The following FGF14 variants were observed in gnomAD, a reference collection of about 807,000 sequenced individuals.
The protein encoded by FGF14 is fibroblast growth factor 14.
In FGF14, 5 loss-of-function variants were observed where a neutral mutation model predicts 25.5. The ratio of observed to expected loss-of-function variants is 0.20; its 90% CI spans 0.10 to 0.41. The LOEUF (loss-of-function observed/expected upper bound fraction) is 0.41. Ranked by LOEUF, FGF14 falls within the 10% of genes least tolerant of loss-of-function variation. The pLI, the probability that FGF14 is intolerant of heterozygous loss-of-function variation, is 1.00. For synonymous variants in FGF14, 138 were observed against 118.3 expected, an observed-to-expected ratio of 1.17 and a Z score of -1.08; for missense variants, 222 against 320.1, an observed-to-expected ratio of 0.69 and a Z score of 2.34.
At chr13:101,889,236 T>TA (rs199813455) in intron 1 of FGF14, among the ~76,000 whole-genome samples, 1 of 151,998 alleles carries the variant, frequency 6.6e-6, no homozygotes, top group South Asian at 2.1e-4. Context: ...AATTGCCATT[T>TA]AAAAAAAATA....
intron 1 of FGF14, among the ~76,000 whole-genome samples, chr13:102,260,638 C>T (rs927245019): frequency 3.3e-5 from 5 of 152,266 alleles, no homozygotes; most frequent in African/African-American, 7.2e-5. Context: ...TTTGCTGTAA[C>T]GTGCCAAGAG....
rs540037384 is a variant in FGF14 at position 102,065,942 on chromosome 13, G to A, written c.209-190646C>T. Among the ~76,000 whole-genome samples, 3 of 152,084 alleles carry A rather than the reference G, an allele frequency of 2.0e-5. No individual in the cohort carries two copies. The South Asian group carries it at 6.2e-4, about 32-fold the overall frequency. ...TCATTACCTATGGATATATATTCTAGTAAAAGCATATTTAGACAGTTCAGT... is the reference window on the plus strand; with the variant it reads ...TCATTACCTATGGATATATATTCTAATAAAAGCATATTTAGACAGTTCAGT... On this transcript the variant is annotated intron_variant, in intron 1 of 4. Transcript: ENST00000376131.
intron 3 of FGF14, among the ~76,000 whole-genome samples, chr13:101,771,920 T>C (rs892728918): frequency 6.6e-6 from 1 of 152,050 alleles, no homozygotes; most frequent in Non-Finnish European, 1.5e-5. Flanking sequence ...CCAGCCCATA[T>C]ACATGTATAA....
chr13:101,803,757 T>C lies in FGF14; in HGVS notation c.408+64968A>G, dbSNP rs548348437. ...GCATGAGGAATTGGACAGATGTTGC[T>C]GCATTTATTGAGCCAGCAAACACTG... On this transcript the variant is annotated intron_variant, in intron 3 of 4. Transcript: ENST00000376143. 7.9e-5 allele frequency among the ~76,000 whole-genome samples: 12 copies of C among 152,264 alleles called. No individual in the cohort carries two copies. In the East Asian group the frequency reaches 2.3e-3, roughly 29 times the overall value.
chr13:101,975,443 G>A (rs556298920), intron 1 of FGF14, among the ~76,000 whole-genome samples: 51 of 152,144 alleles, frequency 3.4e-4, no homozygotes, highest in Non-Finnish European at 6.2e-4. Context: ...CATTCTGAGC[G>A]TTCCTTCTTG....
At chr13:101,887,202 A>T (rs2046033843) in intron 1 of FGF14, among the ~76,000 whole-genome samples, 1 of 152,034 alleles carries the variant, frequency 6.6e-6, no homozygotes, top group African/African-American at 2.4e-5. Context: ...GGTATATGAA[A>T]AAAAAGTCTG....
chr13:102,322,217 G>A (rs1439061900), intron 1 of FGF14, among the ~76,000 whole-genome samples: 5 of 152,170 alleles, frequency 3.3e-5, no homozygotes, highest in African/African-American at 1.2e-4. Flanking sequence ...TGAACTTCTT[G>A]AGCAGTTAAC....
At chr13:102,375,488 T>A (rs9557857) in intron 1 of FGF14, among the ~76,000 whole-genome samples, 58,073 of 152,066 alleles carry the variant, frequency 0.38, 13,922 homozygotes, top group African/African-American at 0.68. Context: ...TTTAATAACG[T>A]TGTAGAAGAC....
chr13:102,402,435 A>T (rs2058717218), upstream of FGF14: 1 of 152,276 alleles, frequency 6.6e-6, no homozygotes, highest in Admixed American at 6.5e-5. Flanking sequence ...CAGGCATTAG[A>T]GGGAGGAGGA....
chr13:101,805,463 C>T (rs1459232211), intron 3 of FGF14, among the ~76,000 whole-genome samples: 1 of 152,066 alleles, frequency 6.6e-6, no homozygotes, highest in African/African-American at 2.4e-5. Context: ...GAGCTTCTCC[C>T]AGGTAAGAAA....
chr13:101,918,904 G>A (rs2033784939), upstream of FGF14, among the ~76,000 whole-genome samples: 1 of 152,104 alleles, frequency 6.6e-6, no homozygotes, highest in African/African-American at 2.4e-5. Context: ...ATTATTAAAA[G>A]GAATATGCTA....
chr13:101,943,949 C>T (rs1481405201), intron 1 of FGF14, among the ~76,000 whole-genome samples: 19 of 143,866 alleles, frequency 1.3e-4, no homozygotes, highest in African/African-American at 4.6e-4. Context: ...TGTGGTGAGC[C>T]GAGATAGCAC....
intron 1 of FGF14, among the ~76,000 whole-genome samples, chr13:102,000,994 G>C (rs1385332156): frequency 6.6e-6 from 1 of 152,158 alleles, no homozygotes; most frequent in Non-Finnish European, 1.5e-5. Flanking sequence ...AAAAGTTCAA[G>C]GCTGGAGTTT....
At chr13:101,755,928 A>C (rs1351840613) in intron 3 of FGF14, among the ~76,000 whole-genome samples, 1 of 152,342 alleles carries the variant, frequency 6.6e-6, no homozygotes, top group East Asian at 1.9e-4. Flanking sequence ...TGGAAAAAGT[A>C]CCTAATCTTA....
At chr13:102,292,996 A>G (rs527869477) in intron 1 of FGF14, 4 of 152,318 alleles carry the variant, frequency 2.6e-5, no homozygotes, top group Non-Finnish European at 2.9e-5. Context: ...CCTTTCCTCA[A>G]AGTCTCTCCA....
chr13:101,765,297 G>T (rs2038304051), intron 3 of FGF14, among the ~76,000 whole-genome samples: 1 of 152,166 alleles, frequency 6.6e-6, no homozygotes, highest in South Asian at 2.1e-4. Context: ...CAAAGATAGA[G>T]AAATTACTTG....
intron 1 of FGF14, among the ~76,000 whole-genome samples, chr13:102,328,100 G>T (rs921083827): frequency 6.6e-6 from 1 of 151,948 alleles, no homozygotes; most frequent in Non-Finnish European, 1.5e-5. Context: ...ACCAGAGCAC[G>T]AATGGTCTTC....
At chr13:101,930,640 G>A (rs10219987) in intron 1 of FGF14, among the ~76,000 whole-genome samples, 5,478 of 152,162 alleles carry the variant, frequency 0.036, 373 homozygotes, top group African/African-American at 0.13. Flanking sequence ...CTTCACAGAC[G>A]AAAAGTATTT....
At chr13:102,187,763 T>A (rs114354023) in intron 1 of FGF14, among the ~76,000 whole-genome samples, 118 of 152,316 alleles carry the variant, frequency 7.7e-4, no homozygotes, top group African/African-American at 2.7e-3. Context: ...CAGTTGGTTG[T>A]GTGGCTGGAA....
Sources: allele counts gnomAD v4.1 joint callset (sites outside exome capture counted in the v4.1 genomes callset), GRCh38; gene constraint gnomAD v4.1.1; transcripts MANE v1.5; gene names NCBI Gene and HGNC (gene_info 2026-07-23, HGNC 2026-07-21).